The following AKT3 variants were observed in gnomAD, a reference collection of about 807,000 sequenced individuals.
AKT3 encodes the protein RAC-gamma serine/threonine-protein kinase.
In AKT3, 15 loss-of-function variants were observed where a neutral mutation model predicts 65.3. The ratio of observed to expected loss-of-function variants is 0.23; its 90% confidence interval spans 0.15 to 0.35. The LOEUF (loss-of-function observed/expected upper bound fraction) is 0.35. Ranked by LOEUF, AKT3 falls within the 10% of genes least tolerant of loss-of-function variation. AKT3 has a pLI of 1.00. For missense variants in AKT3, 243 were observed against 576.5 expected, an observed-to-expected ratio of 0.42 and a Z score of 5.92; for synonymous variants, 206 against 183.8, an observed-to-expected ratio of 1.12 and a Z score of -0.98.
chr1:243,610,649 G>A (rs1294317684), intron 8 of AKT3, among the ~76,000 whole-genome samples: 1 of 152,126 alleles, frequency 6.6e-6, no homozygotes, highest in Admixed American at 6.5e-5. Context: ...AAAAGATACT[G>A]AAAAATACAT....
At chr1:243,508,409 C>T (rs1294638546) in intron 13 of AKT3, among the ~76,000 whole-genome samples, 1 of 152,208 alleles carries the variant, frequency 6.6e-6, no homozygotes, top group African/African-American at 2.4e-5. Context: ...AACAGAGGTG[C>T]CTGCAGATGC....
intron 6 of AKT3, among the ~76,000 whole-genome samples, chr1:243,636,948 G>C (rs370259733): frequency 8.1e-4 from 123 of 152,266 alleles, no homozygotes; most frequent in Admixed American, 3.2e-3. Flanking sequence ...ATAACTGGAA[G>C]TTGAAGTAGT....
chr1:243,610,536 T>C (rs1442440419), intron 8 of AKT3, among the ~76,000 whole-genome samples: 2 of 152,252 alleles, frequency 1.3e-5, no homozygotes, highest in African/African-American at 4.8e-5. Context: ...CTGCGGACTG[T>C]TTTATCTGTC....
chr1:243,525,441 T>C (rs1293629983), intron 12 of AKT3, among the ~76,000 whole-genome samples: 2 of 151,908 alleles, frequency 1.3e-5, no homozygotes, highest in African/African-American at 4.8e-5. Flanking sequence ...TGATCTCATG[T>C]TGAAATTAGT....
At position 243,840,081 on chromosome 1, in the gene AKT3, G is replaced by T. The variant is rs972652613; in HGVS notation, c.46+3044C>A. On this transcript the variant is annotated intron_variant, in intron 2 of 13. Coordinates refer to ENST00000673466, the MANE Select transcript of AKT3 (RefSeq NM_005465.7). The stretch of plus-strand genomic sequence containing the variant: ...AGCTACTCGGGAGGCTGAGGCAGGG[G>T]AATCACTTGAACACGGGAGGCGGAG... Among the ~76,000 whole-genome samples the T allele has an allele frequency of 5.5e-4, 83 of 152,206 alleles. 1 individual carries two copies. The highest frequency in any genetic ancestry group is 1.9e-3 in the African/African-American group (78 of 41,522).
chr1:243,716,717 T>C (rs1572219233), intron 2 of AKT3, among the ~76,000 whole-genome samples: 2 of 152,212 alleles, frequency 1.3e-5, no homozygotes, highest in Admixed American at 6.5e-5. Flanking sequence ...TATTTTATAA[T>C]GATGTTGTGG....
chr1:243,804,108 T>C (rs1692566831), intron 2 of AKT3, among the ~76,000 whole-genome samples: 1 of 152,192 alleles, frequency 6.6e-6, no homozygotes, highest in Admixed American at 6.5e-5. Context: ...CATCTTGGAC[T>C]CCCATTTACT....
chr1:243,559,558 T>C (rs780460742), intron 10 of AKT3, among the ~76,000 whole-genome samples: 3 of 152,184 alleles, frequency 2.0e-5, no homozygotes, highest in Non-Finnish European at 4.4e-5. Flanking sequence ...AAACCTGCCA[T>C]GTATCTGACA....
intron 8 of AKT3, among the ~76,000 whole-genome samples, chr1:243,594,157 G>A (rs866539716): frequency 9.2e-5 from 14 of 152,128 alleles, no homozygotes; most frequent in African/African-American, 3.4e-4. Flanking sequence ...TATGCTAACA[G>A]CAAACAATTG....
Position 243,563,586 on chromosome 1 carries a change from G to C in AKT3, c.948+134C>G, listed in dbSNP as rs888741767. 2.6e-5 allele frequency: 29 copies of C among 1,098,608 alleles called. No homozygotes were observed. In the East Asian group the frequency reaches 7.6e-4, roughly 29 times the overall value. 68.1% of individuals were successfully genotyped at this position (1,098,608 alleles called of 1,614,324 possible). On this transcript the variant is annotated intron_variant, in intron 10 of 13. Transcript: ENST00000673466. Reference sequence around the variant, plus strand: ...AATACCCCATTATAACAAATTAAGAGCCAAAAAATTTTGATTCAGGTTGAA... The same window carrying C: ...AATACCCCATTATAACAAATTAAGACCCAAAAAATTTTGATTCAGGTTGAA...
chr1:243,579,629 A>T (rs1468596193), intron 8 of AKT3, among the ~76,000 whole-genome samples: 1 of 152,206 alleles, frequency 6.6e-6, no homozygotes, highest in Non-Finnish European at 1.5e-5. Context: ...GAGCCAAGGT[A>T]TTATTGAACC....
chr1:243,712,700 T>C (rs566660784), intron 2 of AKT3, among the ~76,000 whole-genome samples: 7 of 152,156 alleles, frequency 4.6e-5, no homozygotes, highest in Non-Finnish European at 1.0e-4. Flanking sequence ...AAATAAGTAA[T>C]ATGGAAAATT....
At chr1:243,498,221 C>T (rs937388201), downstream of AKT3, among the ~76,000 whole-genome samples, 3 of 149,910 alleles carry the variant, frequency 2.0e-5, no homozygotes, top group Non-Finnish European at 4.4e-5. Context: ...GCAAACCCTG[C>T]GTTTGACAAT....
intron 8 of AKT3, among the ~76,000 whole-genome samples, chr1:243,579,398 G>A (rs1052585217): frequency 2.0e-5 from 3 of 152,096 alleles, no homozygotes; most frequent in African/African-American, 7.2e-5. Flanking sequence ...GAAAAAAGCA[G>A]AACAGGACAT....
intron 8 of AKT3, among the ~76,000 whole-genome samples, chr1:243,576,802 A>G (rs1674975600): frequency 6.6e-6 from 1 of 152,256 alleles, no homozygotes; most frequent in Non-Finnish European, 1.5e-5. Context: ...CATACTGGCC[A>G]AAGTAATTTA....
chr1:243,505,338 T>C lies in AKT3; in HGVS notation c.1355-4A>G, dbSNP rs1487030159. On this transcript the variant is annotated splice_polypyrimidine_tract_variant and splice_region_variant and intron_variant, in intron 13 of 13. Transcript: ENST00000673466. ...CAGTCCATACCATCCTCATCATCTGTGGGCAGGAAACATCTATTTTAATTT... is the reference window on the plus strand; with the variant it reads ...CAGTCCATACCATCCTCATCATCTGCGGGCAGGAAACATCTATTTTAATTT... 4 of 1,612,726 alleles carry C rather than the reference T, an allele frequency of 2.5e-6. No individual in the cohort carries two copies. The highest frequency in any genetic ancestry group is 2.7e-5 in the African/African-American group (2 of 74,898).
At chr1:243,675,500 C>A (rs781292680) in intron 3 of AKT3, among the ~76,000 whole-genome samples, 10 of 152,214 alleles carry the variant, frequency 6.6e-5, no homozygotes, top group Non-Finnish European at 1.3e-4. Flanking sequence ...TACATCCAGC[C>A]TCAAAGTCAC....
chr1:243,680,677 T>G (rs1236722022), intron 3 of AKT3, among the ~76,000 whole-genome samples: 1 of 152,048 alleles, frequency 6.6e-6, no homozygotes, highest in Non-Finnish European at 1.5e-5. Context: ...ACAAAACATG[T>G]CCCTCAAGTT....
chr1:243,577,949 GATC>G (rs1269110679), intron 8 of AKT3, among the ~76,000 whole-genome samples: 5 of 152,270 alleles, frequency 3.3e-5, no homozygotes, highest in South Asian at 2.1e-4. Context: ...CAACACCACT[GATC>G]ATTAGAGGAT....
Sources: allele counts gnomAD v4.1 joint callset (sites outside exome capture counted in the v4.1 genomes callset), GRCh38; gene constraint gnomAD v4.1.1; transcripts MANE v1.5; gene names NCBI Gene and HGNC (gene_info 2026-07-23, HGNC 2026-07-21).